Variants in SRRM2 observed in about 807,000 individuals in gnomAD.
SRRM2 encodes serine/arginine repetitive matrix protein 2.
In SRRM2, 30 loss-of-function variants were observed where a neutral mutation model predicts 213.8. The observed-to-expected ratio is 0.14, with a 90% CI of 0.10 to 0.19. The LOEUF (loss-of-function observed/expected upper bound fraction) is 0.19. Among genes scored for constraint, SRRM2 ranks in the 10% least tolerant of loss-of-function variants. The pLI is 1.00. For synonymous variants in SRRM2, 2,025 were observed against 1,377.7 expected, an observed-to-expected ratio of 1.47 and a Z score of -10.40; for missense variants, 4,904 against 3,647.0, an observed-to-expected ratio of 1.34 and a Z score of -8.88.
chr16:2,753,875 A>AT (rs1195916901), intron 1 of SRRM2, among the ~76,000 whole-genome samples: 1 of 151,660 alleles, frequency 6.6e-6, no homozygotes, highest in Non-Finnish European at 1.5e-5. Flanking sequence ...GCTGATGTCC[A>AT]TTTTTTTCGA....
rs2068595298 is a variant in SRRM2, at chr16:2,767,808, C to T, written c.7280C>T (p.Pro2427Leu). ...ATGACCTCTGAACGGGCTCCCTCCCCTTCCTCTAGAATGGGCCAGGCTCCT... is the reference window on the plus strand; with the variant it reads ...ATGACCTCTGAACGGGCTCCCTCCCTTTCCTCTAGAATGGGCCAGGCTCCT... ...SRMTSERAPS[P>L]SSRMGQAPSQ... Residue 2427 changes from proline (P) to leucine (L), a missense_variant, in exon 11 of 15, where the codon CCT becomes CTT. Coordinates refer to ENST00000301740, the MANE Select transcript of SRRM2 (RefSeq NM_016333.4). 1 of 1,613,940 alleles carries T rather than the reference C, an allele frequency of 6.2e-7. No individual in the cohort carries two copies.
intron 11 of SRRM2, 134 bp downstream of exon 11, chr16:2,768,395 G>T: frequency 3.0e-6 from 3 of 1,004,718 alleles, no homozygotes; most frequent in Non-Finnish European, 4.3e-6. Context: ...CTCAAGCTGG[G>T]GGTAGAAGAG....
Position 2,763,564 on chromosome 16 carries a change from A to G in SRRM2, c.3036A>G (p.Ser1012=). 1.2e-6 allele frequency: 2 copies of G among 1,614,180 alleles called. No homozygotes were observed. The highest frequency in any genetic ancestry group is 1.7e-6 in the Non-Finnish European group (2 of 1,180,022). Residue 1012 remains serine (S), a synonymous_variant, in exon 11 of 15, where the codon TCA becomes TCG. Coordinates refer to ENST00000301740, the MANE Select transcript of SRRM2 (RefSeq NM_016333.4). ...CACCGGGGCCAAGTCTTTCTGGATC[A>G]AAGTCACCATGTCCCCAAGAGAAGT... ...QTPPGPSLSG[S]KSPCPQEKSK...
In SRRM2 at chr16:2,770,624, C is replaced by A. The variant is rs1381233517; in HGVS notation, c.8156C>A (p.Ser2719Tyr). ...DQQSSSSERGSRRGQRGDSRS... is the reference protein window; with the variant it reads ...DQQSSSSERGYRRGQRGDSRS... ...TGCAGCAGCAGCAGTGAGCGGGGTT[C>A]CCGGAGAGGCCAGCGTGGGGACAGC... Residue 2719 changes from serine (S) to tyrosine (Y), a missense_variant, in exon 14 of 15, where the codon TCC (serine) becomes TAC (tyrosine). Physicochemically the swap from Ser to Tyr is moderately radical, Grantham distance 144 (BLOSUM62 -2). Transcript: ENST00000301740. 5 of 1,552,544 alleles carry A rather than the reference C, an allele frequency of 3.2e-6. No individual in the cohort carries two copies. Among genetic ancestry groups the A allele is most frequent in the Non-Finnish European group, 4.4e-6 (5 of 1,147,830 alleles).
chr16:2,757,612 A>G (rs376814118), intron 3 of SRRM2, 33 bp downstream of exon 3: 7 of 1,596,404 alleles, frequency 4.4e-6, no homozygotes, highest in African/African-American at 4.1e-5. Flanking sequence ...ATGACTCTGG[A>G]CTCTACTCTG....
At chr16:2,755,027 T>A (rs2068090806) in intron 1 of SRRM2, among the ~76,000 whole-genome samples, 1 of 152,272 alleles carries the variant, frequency 6.6e-6, no homozygotes. Flanking sequence ...TTCTATCCAG[T>A]TCTTTTACAT....
chr16:2,754,205 T>C (rs1253734958), intron 1 of SRRM2, among the ~76,000 whole-genome samples: 1 of 152,176 alleles, frequency 6.6e-6, no homozygotes, highest in Non-Finnish European at 1.5e-5. Flanking sequence ...TCGTCGTCTT[T>C]TTTTGTGGGG....
chr16:2,756,227 G>A (rs1596260768), intron 1 of SRRM2, 107 bp from the exon 2 acceptor site: 2 of 1,072,508 alleles, frequency 1.9e-6, no homozygotes, highest in Non-Finnish European at 2.6e-6. Context: ...TTAGTGTGAA[G>A]ATCAATGTTG....
rs1309328798 is a variant in SRRM2, at chr16:2,764,239, G to A, written c.3711G>A (p.Glu1237=). The change falls in exon 11 of 15, where the codon GAG becomes GAA. Residue 1237 remains glutamate (E), a synonymous_variant. Transcript: ENST00000301740. ...TGCCTACGTCAAGCCAAGATGAAGA[G>A]TTAATGGAGGTGGTAGAGAAGTCTG... ...SALPTSSQDE[E]LMEVVEKSEE... The A allele has an allele frequency of 6.2e-7, 1 of 1,614,116 alleles. No individual in the cohort carries two copies. Among genetic ancestry groups the A allele is most frequent in the Admixed American group, 1.7e-5 (1 of 60,014 alleles).
chr16:2,764,021 A>G lies in SRRM2; in HGVS notation c.3493A>G (p.Lys1165Glu). ...GQSRLETAES[K>E]EKMALPPQED... is the part of the protein sequence containing the mutation. ...GAGTAGATTGGAGACTGCTGAATCA[A>G]AAGAGAAAATGGCCTTACCCCCTCA... is the stretch of plus-strand genomic sequence containing the variant. Residue 1165 changes from lysine to glutamate, a missense_variant, in exon 11 of 15, where the codon AAA becomes GAA. Transcript: ENST00000301740. 6.2e-7 allele frequency: 1 copy of G among 1,614,192 alleles called. No homozygotes were observed. Among genetic ancestry groups the G allele is most frequent in the Middle Eastern group, 1.6e-4 (1 of 6,062 alleles).
chr16:2,763,563 C>A lies in SRRM2; in HGVS notation c.3035C>A (p.Ser1012Ter). The change falls in exon 11 of 15, where the codon TCA (serine) becomes TAA (stop). Residue 1012 changes from serine to a stop codon, truncating the protein, a stop_gained. Transcript: ENST00000301740. LOFTEE classifies it high-confidence loss of function. Reference protein sequence around the residue: ...QTPPGPSLSGSKSPCPQEKSK... With the variant: ...QTPPGPSLSG ...CCACCGGGGCCAAGTCTTTCTGGATCAAAGTCACCATGTCCCCAAGAGAAG... is the reference window on the plus strand; with the variant it reads ...CCACCGGGGCCAAGTCTTTCTGGATAAAAGTCACCATGTCCCCAAGAGAAG... 6.2e-7 allele frequency: 1 copy of A among 1,614,150 alleles called. No homozygotes were observed. Among genetic ancestry groups the A allele is most frequent in the South Asian group, 1.1e-5 (1 of 91,072 alleles).
chr16:2,769,727 A>G (rs1023558753), intron 12 of SRRM2: 6 of 469,246 alleles, frequency 1.3e-5, no homozygotes, highest in Non-Finnish European at 2.1e-5. Flanking sequence ...CACTCCACAA[A>G]TCCTTCGGGA....
chr16:2,753,563 C>G (rs1014045310), intron 1 of SRRM2: 1 of 152,174 alleles, frequency 6.6e-6, no homozygotes, highest in African/African-American at 2.4e-5. Context: ...TTCAACGTCT[C>G]CCGAGAATTC....
At chr16:2,768,382 A>G (rs2068619253) in intron 11 of SRRM2, 121 bp downstream of exon 11, 3 of 1,140,720 alleles carry the variant, frequency 2.6e-6, no homozygotes, top group Non-Finnish European at 3.7e-6. Flanking sequence ...GGGGACCTTG[A>G]CCCTCAAGCT....
rs758541708 is a variant in SRRM2 at position 2,762,632 on chromosome 16, T to A, written c.2104T>A (p.Ser702Thr). Residue 702 changes from serine (S) to threonine (T), a missense_variant, in exon 11 of 15, where the codon TCC becomes ACC. Transcript: ENST00000301740. The part of the protein sequence containing the change: ...SRSRTPRRGR[S>T]RSRSLVRRGR... Reference sequence around the variant, plus strand: ...GTCTAGGACACCAAGACGAGGAAGATCCCGCAGTAGAAGCTTAGTTAGACG... The same window carrying A: ...GTCTAGGACACCAAGACGAGGAAGAACCCGCAGTAGAAGCTTAGTTAGACG... 1.2e-6 allele frequency: 2 copies of A among 1,613,798 alleles called. No individual in the cohort carries two copies. The highest frequency in any genetic ancestry group is 1.7e-6 in the Non-Finnish European group (2 of 1,179,954).
Position 2,763,195 on chromosome 16 carries a change from T to C in SRRM2, c.2667T>C (p.His889=), listed in dbSNP as rs2068422833. Residue 889 remains histidine, a synonymous_variant, in exon 11 of 15, where the codon CAT becomes CAC. Coordinates refer to ENST00000301740, the MANE Select transcript of SRRM2 (RefSeq NM_016333.4). The stretch of plus-strand genomic sequence containing the variant: ...TGAAATCTAGGACCCCTTCTAGACA[T>C]AGCTGCTCAGGGTCCTCTCCTCCTA... ...PELKSRTPSR[H]SCSGSSPPRV... 1.2e-6 allele frequency: 2 copies of C among 1,613,994 alleles called. No individual in the cohort carries two copies. Among genetic ancestry groups the C allele is most frequent in the Non-Finnish European group, 1.7e-6 (2 of 1,179,982 alleles).
At chr16:2,760,941 C>A (rs573818597) in intron 10 of SRRM2, 2 of 162,788 alleles carry the variant, frequency 1.2e-5, no homozygotes, top group East Asian at 3.5e-4. Context: ...TTAATCATTT[C>A]CTCTTGCTTT....
At position 2,767,936 on chromosome 16, in the gene SRRM2, G is replaced by T. The variant is rs1266431771; in HGVS notation, c.7408G>T (p.Ala2470Ser). Residue 2470 changes from alanine to serine, a missense_variant, in exon 11 of 15, where the codon GCA (alanine) becomes TCA (serine). Ala to Ser is a moderately conservative substitution (Grantham distance 99). Transcript: ENST00000301740. ...RCLIAQTTPV[A>S]GSQSLSSGAV... is the part of the protein sequence containing the mutation. Reference sequence around the variant, plus strand: ...TTTGATTGCCCAGACCACCCCTGTAGCAGGGTCTCAGTCCCTTTCCTCTGG... The same window carrying T: ...TTTGATTGCCCAGACCACCCCTGTATCAGGGTCTCAGTCCCTTTCCTCTGG... 2 of 1,614,032 alleles carry T rather than the reference G, an allele frequency of 1.2e-6. No individual in the cohort carries two copies. The highest frequency in any genetic ancestry group is 2.7e-5 in the African/African-American group (2 of 74,902).
chr16:2,761,842 A>G lies in SRRM2; in HGVS notation c.1314A>G (p.Pro438=). Residue 438 remains proline (P), a synonymous_variant, in exon 11 of 15, where the codon CCA becomes CCG. Coordinates refer to ENST00000301740, the MANE Select transcript of SRRM2 (RefSeq NM_016333.4). The part of the protein sequence containing the change: ...TKVSRHASSS[P]ESPKPAPAPG... ...TTTCTCGGCATGCCAGCTCTTCCCC[A>G]GAAAGTCCTAAACCTGCTCCAGCTC... The G allele has an allele frequency of 6.2e-7, 1 of 1,613,340 alleles. No individual in the cohort carries two copies. Among genetic ancestry groups the G allele is most frequent in the Non-Finnish European group, 8.5e-7 (1 of 1,179,968 alleles).
Sources: allele counts gnomAD v4.1 joint callset (sites outside exome capture counted in the v4.1 genomes callset), GRCh38; gene constraint gnomAD v4.1.1; transcripts MANE v1.5; gene names NCBI Gene and HGNC (gene_info 2026-07-23, HGNC 2026-07-21).